TRPC4: variants seen among roughly 807,000 people sequenced by gnomAD.
TRPC4 encodes short transient receptor potential channel 4.
A neutral mutation model predicts 99.4 loss-of-function variants in TRPC4; 49 were observed. That is an observed-to-expected ratio of 0.49 (90% CI 0.39 to 0.63). The LOEUF (loss-of-function observed/expected upper bound fraction) is 0.63, where lower values mean the gene tolerates loss of function less well. Ranked by LOEUF, TRPC4 falls within the 20% of genes least tolerant of loss-of-function variation. TRPC4 has a pLI of 0.00. For synonymous variants in TRPC4, 454 were observed against 425.9 expected (o/e 1.07, Z -0.81); for missense variants, 898 against 1,152.9 (o/e 0.78, Z 3.20).
chr13:37,760,538 T>A (rs1307837937), intron 2 of TRPC4, among the ~76,000 whole-genome samples: 1 of 151,858 alleles, frequency 6.6e-6, no homozygotes, highest in East Asian at 1.9e-4. Flanking sequence ...GAGTGCATAC[T>A]CCACAATTGC....
At chr13:37,833,028 C>A (rs1017297200) in intron 1 of TRPC4, among the ~76,000 whole-genome samples, 1 of 152,014 alleles carries the variant, frequency 6.6e-6, no homozygotes, top group African/African-American at 2.4e-5. Context: ...TTATTTATTT[C>A]ATTTCCTTGC....
At chr13:37,660,610 G>C (rs1253379988) in intron 6 of TRPC4, among the ~76,000 whole-genome samples, 1 of 152,152 alleles carries the variant, frequency 6.6e-6, no homozygotes. Flanking sequence ...GAAACCTTAT[G>C]AGAGATATGT....
chr13:37,632,594 G>A lies in TRPC4; in HGVS notation c.*4309C>T, dbSNP rs940487883. Among the ~76,000 whole-genome samples the A allele has an allele frequency of 2.6e-5, 4 of 152,118 alleles. No individual in the cohort carries two copies. Among genetic ancestry groups the A allele is most frequent in the Admixed American group, 1.3e-4 (2 of 15,260 alleles). ...ACGTCTTCACTGTCAGCCTAGTAACGGTGTGACTGTATCCAGGCTTGGTCC... is the reference window on the plus strand; with the variant it reads ...ACGTCTTCACTGTCAGCCTAGTAACAGTGTGACTGTATCCAGGCTTGGTCC... On this transcript the variant is annotated 3_prime_UTR_variant, in exon 11 of 11. Coordinates refer to ENST00000379705, the MANE Select transcript of TRPC4 (RefSeq NM_016179.4).
chr13:37,663,389 A>T (rs765340933), intron 6 of TRPC4, 27 bp downstream of exon 6: 1 of 1,585,028 alleles, frequency 6.3e-7, no homozygotes, highest in South Asian at 1.2e-5. Context: ...GTACAACATT[A>T]CCAGTAGAAA....
At chr13:37,837,544 T>A (rs1406968899) in intron 1 of TRPC4, among the ~76,000 whole-genome samples, 1 of 152,222 alleles carries the variant, frequency 6.6e-6, no homozygotes, top group Non-Finnish European at 1.5e-5. Flanking sequence ...CAGACTTGCA[T>A]GGGGCCTGTA....
chr13:37,690,300 CTTTT>C (rs1953639224), intron 4 of TRPC4, among the ~76,000 whole-genome samples: 1 of 152,044 alleles, frequency 6.6e-6, no homozygotes, highest in South Asian at 2.1e-4. Context: ...TTATGTGAGC[CTTTT>C]TAATTTTTCT....
At chr13:37,769,785 A>G (rs1026038279) in intron 2 of TRPC4, among the ~76,000 whole-genome samples, 2 of 151,522 alleles carry the variant, frequency 1.3e-5, no homozygotes, top group Non-Finnish European at 3.0e-5. Context: ...GATCCTAACA[A>G]CCTGAAAGCA....
At chr13:37,723,363 A>C (rs1312432625) in intron 3 of TRPC4, among the ~76,000 whole-genome samples, 1 of 152,186 alleles carries the variant, frequency 6.6e-6, no homozygotes, top group Non-Finnish European at 1.5e-5. Context: ...AAAAATAGAC[A>C]AGATATAATC....
chr13:37,821,429 C>G (rs1431519872), intron 1 of TRPC4, among the ~76,000 whole-genome samples: 1 of 152,102 alleles, frequency 6.6e-6, no homozygotes, highest in Non-Finnish European at 1.5e-5. Flanking sequence ...TATCAAATTA[C>G]CAATGACATT....
At chr13:37,759,335 G>T (rs909409950) in intron 2 of TRPC4, among the ~76,000 whole-genome samples, 3 of 151,706 alleles carry the variant, frequency 2.0e-5, no homozygotes, top group African/African-American at 7.2e-5. Context: ...CCCTGAGATT[G>T]TCTGCCCTGA....
intron 2 of TRPC4, among the ~76,000 whole-genome samples, chr13:37,769,729 G>A (rs976705201): frequency 4.6e-5 from 7 of 151,440 alleles, no homozygotes; most frequent in Admixed American, 2.0e-4. Flanking sequence ...TCACCAGAAT[G>A]CAACAAGTTT....
At chr13:37,735,569 T>G (rs149278581) in intron 3 of TRPC4, among the ~76,000 whole-genome samples, 169 of 152,302 alleles carry the variant, frequency 1.1e-3, no homozygotes, top group African/African-American at 4.0e-3. Flanking sequence ...ATCTGAATAA[T>G]GGAAACCTGA....
Position 37,678,693 on chromosome 13 carries a change from C to T in TRPC4, c.1235-4326G>A, listed in dbSNP as rs1007232370. On this transcript the variant is annotated intron_variant, in intron 4 of 10. Coordinates refer to ENST00000379705, the MANE Select transcript of TRPC4 (RefSeq NM_016179.4). ...CCAAACATTTCAAGAAAAAATAATA[C>T]TAGTGCTAATCACACTCTTGCAAAG... Among the ~76,000 whole-genome samples, 3 of 152,132 alleles carry T rather than the reference C, an allele frequency of 2.0e-5. No homozygotes were observed. In the South Asian group the frequency reaches 6.2e-4, roughly 32 times the overall value.
intron 3 of TRPC4, among the ~76,000 whole-genome samples, chr13:37,701,311 T>A (rs1340581298): frequency 6.6e-6 from 1 of 152,134 alleles, no homozygotes; most frequent in African/African-American, 2.4e-5. Context: ...TAATTGTCAA[T>A]GATTCCTGCT....
intron 2 of TRPC4, among the ~76,000 whole-genome samples, chr13:37,774,272 C>G (rs1956639674): frequency 6.6e-6 from 1 of 151,634 alleles, no homozygotes; most frequent in South Asian, 2.1e-4. Flanking sequence ...TTTTAGCATT[C>G]CTTCAGAAAG....
At chr13:37,824,361 G>A (rs1186856458) in intron 1 of TRPC4, among the ~76,000 whole-genome samples, 1 of 149,312 alleles carries the variant, frequency 6.7e-6, no homozygotes, top group Non-Finnish European at 1.5e-5. Context: ...AGTTTTCAAA[G>A]GGAATGCTTC....
At chr13:37,759,519 C>T (rs1489059883) in intron 2 of TRPC4, among the ~76,000 whole-genome samples, 3 of 151,586 alleles carry the variant, frequency 2.0e-5, no homozygotes, top group Non-Finnish European at 4.4e-5. Flanking sequence ...TAACATCACA[C>T]ACAGAAAAAA....
In TRPC4 at chr13:37,783,242, G is replaced by C; in HGVS notation, c.92C>G (p.Pro31Arg). Residue 31 changes from proline (P) to arginine (R), a missense_variant, in exon 2 of 11, where the codon CCA becomes CGA. Pro to Arg is a moderately radical substitution (Grantham distance 103). Transcript: ENST00000379705. The part of the protein sequence containing the change: ...RIVRAESELS[P>R]SEKAYLNAVE... ...AGCATTCAAGTAGGCTTTTTCTGAT[G>C]GCGAGAGTTCTGATTCTGCTCTTAC... 1 of 1,613,630 alleles carries C rather than the reference G, an allele frequency of 6.2e-7. No homozygotes were observed. The highest frequency in any genetic ancestry group is 8.5e-7 in the Non-Finnish European group (1 of 1,179,764).
At chr13:37,701,134 A>G (rs1954089773) in intron 3 of TRPC4, among the ~76,000 whole-genome samples, 1 of 152,212 alleles carries the variant, frequency 6.6e-6, no homozygotes, top group Non-Finnish European at 1.5e-5. Context: ...ACAACACATA[A>G]AAGAGCCAAA....
Sources: allele counts gnomAD v4.1 joint callset (sites outside exome capture counted in the v4.1 genomes callset), GRCh38; gene constraint gnomAD v4.1.1; transcripts MANE v1.5; gene names NCBI Gene and HGNC (gene_info 2026-07-23, HGNC 2026-07-21).